The following DPP6 variants were observed in gnomAD, a reference collection of about 807,000 sequenced individuals.
The protein encoded by DPP6 is A-type potassium channel modulatory protein DPP6.
Under a neutral mutation model 122.6 loss-of-function variants are expected in DPP6, and 69 were observed. The ratio of observed to expected loss-of-function variants is 0.56; its 90% CI spans 0.46 to 0.69. DPP6 has a LOEUF of 0.69. Ranked by LOEUF, DPP6 falls within the 30% of genes least tolerant of loss-of-function variation. The probability of loss-of-function intolerance (pLI) is 0.00; values close to 1 mark genes in which losing one functional copy is unlikely to be tolerated. For synonymous variants in DPP6, 418 were observed against 433.1 expected (o/e 0.97, Z 0.43); for missense variants, 928 against 1,116.9 (o/e 0.83, Z 2.41).
chr7:154,044,114 C>T lies in DPP6; in HGVS notation c.51+156380C>T, dbSNP rs1394958653. 2.0e-5 allele frequency among the ~76,000 whole-genome samples: 3 copies of T among 152,126 alleles called. 1 individual carries two copies. Among genetic ancestry groups the T allele is most frequent in the Non-Finnish European group, 4.4e-5 (3 of 68,026 alleles). On this transcript the variant is annotated intron_variant, in intron 1 of 25. Transcript: ENST00000404039. Reference sequence around the variant, plus strand: ...GAAAAGGCTGATCAAATTGCAGGCTCATGTGACTGGTGGATTTATTTAGCC... The same window carrying T: ...GAAAAGGCTGATCAAATTGCAGGCTTATGTGACTGGTGGATTTATTTAGCC...
intron 10 of DPP6, among the ~76,000 whole-genome samples, chr7:154,779,045 A>AT (rs1796814932): frequency 7.3e-6 from 1 of 136,582 alleles, no homozygotes; most frequent in Admixed American, 7.3e-5. Flanking sequence ...CACCACCACA[A>AT]CTACCCCCAC....
the DPP6 span, among the ~76,000 whole-genome samples, chr7:153,749,281 C>T: frequency 6.6e-6 from 1 of 152,154 alleles, no homozygotes; most frequent in Admixed American, 6.5e-5. This position sits in a 1 kb window ranked among gnomAD's most constrained non-coding sequence, Gnocchi z 4.1. Flanking sequence ...GAGATCCTAC[C>T]CTGCTTTGCG....
chr7:154,836,087 A>T (rs1801030155), intron 16 of DPP6, among the ~76,000 whole-genome samples: 1 of 152,122 alleles, frequency 6.6e-6, no homozygotes, highest in Non-Finnish European at 1.5e-5. Flanking sequence ...TTTCTGATGC[A>T]CCAAAGCTGG....
intron 4 of DPP6, among the ~76,000 whole-genome samples, chr7:154,541,534 G>A (rs1828729137): frequency 6.6e-6 from 1 of 152,126 alleles, no homozygotes. Flanking sequence ...AATTTAAAGA[G>A]AATTAACATT....
chr7:153,867,157 A>T, the DPP6 span, among the ~76,000 whole-genome samples: 1 of 152,084 alleles, frequency 6.6e-6, no homozygotes, highest in Non-Finnish European at 1.5e-5. Context: ...CCATATGAAC[A>T]TTAAGGTAGC....
At chr7:154,325,262 T>C (rs1401562436) in intron 1 of DPP6, among the ~76,000 whole-genome samples, 1 of 152,068 alleles carries the variant, frequency 6.6e-6, no homozygotes. Flanking sequence ...CCCCAGTGGG[T>C]CTCCTCACTC....
intron 4 of DPP6, among the ~76,000 whole-genome samples, chr7:154,555,843 C>A (rs1829998990): frequency 1.3e-5 from 2 of 151,656 alleles, no homozygotes; most frequent in Admixed American, 6.6e-5. Context: ...TTGAACAAAG[C>A]AAACTATAAG....
At chr7:154,380,352 A>G (rs1272269729) in intron 1 of DPP6, among the ~76,000 whole-genome samples, 2 of 152,240 alleles carry the variant, frequency 1.3e-5, no homozygotes, top group African/African-American at 2.4e-5. Flanking sequence ...GTGTGTGTAC[A>G]CACAAATGTG....
intron 16 of DPP6, among the ~76,000 whole-genome samples, chr7:154,820,146 C>T (rs1799666593): frequency 6.6e-6 from 1 of 152,228 alleles, no homozygotes; most frequent in Non-Finnish European, 1.5e-5. Context: ...GCCATGTGTC[C>T]ACAGCCTGGG....
intron 1 of DPP6, among the ~76,000 whole-genome samples, chr7:154,122,325 T>G (rs3115104): frequency 2.0e-5 from 3 of 152,292 alleles, no homozygotes; most frequent in East Asian, 1.9e-4. Flanking sequence ...AAGAATTTCG[T>G]GTACTGAGGA....
the DPP6 span, among the ~76,000 whole-genome samples, chr7:153,813,566 G>A: frequency 6.6e-6 from 1 of 152,056 alleles, no homozygotes; most frequent in Non-Finnish European, 1.5e-5. Flanking sequence ...GGGTCAAATG[G>A]TATTTCTAGT....
chr7:154,301,592 G>A (rs1205932847), intron 1 of DPP6, among the ~76,000 whole-genome samples: 2 of 152,040 alleles, frequency 1.3e-5, no homozygotes, highest in African/African-American at 4.8e-5. Flanking sequence ...ATAATGCCCA[G>A]GCAGATTTAG....
chr7:153,957,595 G>T, intron 1 of DPP6, among the ~76,000 whole-genome samples: 1 of 152,156 alleles, frequency 6.6e-6, no homozygotes, highest in East Asian at 1.9e-4. Flanking sequence ...CAAGAGAAAG[G>T]ACTTGCTTTA....
intron 3 of DPP6, among the ~76,000 whole-genome samples, chr7:154,489,870 A>C (rs1824124279): frequency 6.7e-6 from 1 of 150,016 alleles, no homozygotes; most frequent in African/African-American, 2.5e-5. Flanking sequence ...CAAATGCAGG[A>C]ATTTCCCCAA....
intron 1 of DPP6, among the ~76,000 whole-genome samples, chr7:153,890,855 C>CTTTTTT (rs11367327): frequency 8.0e-6 from 1 of 125,144 alleles, no homozygotes; most frequent in African/African-American, 3.1e-5. Context: ...CCATGCCTGG[C>CTTTTTT]TTTTTTTTTT....
chr7:153,890,626 CTTGTT>C (rs373584000), intron 1 of DPP6, among the ~76,000 whole-genome samples: 56 of 146,238 alleles, frequency 3.8e-4, no homozygotes, highest in African/African-American at 1.4e-3. Flanking sequence ...ACTATCTGAT[CTTGTT>C]TTGTTTTAGT....
At chr7:154,655,832 A>T (rs1837203226) in intron 6 of DPP6, among the ~76,000 whole-genome samples, 1 of 152,156 alleles carries the variant, frequency 6.6e-6, no homozygotes, top group Admixed American at 6.5e-5. Flanking sequence ...TTGCTCTCTG[A>T]GGGTCTCCAC....
intron 1 of DPP6, among the ~76,000 whole-genome samples, chr7:153,949,833 A>G (rs1451973706): frequency 1.3e-5 from 2 of 152,208 alleles, no homozygotes; most frequent in Non-Finnish European, 2.9e-5. Flanking sequence ...AATTGTTGCT[A>G]TCTAAAGCTA....
At chr7:154,435,347 C>G (rs6961936) in intron 1 of DPP6, among the ~76,000 whole-genome samples, 104,251 of 151,878 alleles carry the variant, frequency 0.69, 35,853 homozygotes, top group East Asian at 0.79. Flanking sequence ...TGCTGCCACA[C>G]GCTGCACTGG....
Sources: gnomAD v4.1 joint callset for allele counts (sites outside exome capture counted in the v4.1 genomes callset) on GRCh38, gnomAD v4.1.1 for gene constraint, Gnocchi (gnomAD v3.1) non-coding constraint, MANE v1.5 for transcripts, NCBI Gene and HGNC (gene_info 2026-07-23, HGNC 2026-07-21) for gene names.